The following SKA1 variants were observed in gnomAD, a reference collection of about 807,000 sequenced individuals.
The protein encoded by SKA1 is SKA complex subunit 1.
A neutral mutation model predicts 31.8 loss-of-function variants in SKA1; 20 were observed. The ratio of observed to expected loss-of-function variants is 0.63; its 90% CI spans 0.44 to 0.91. SKA1 has a LOEUF of 0.91. Ranked by LOEUF, SKA1 falls within the 40% of genes least tolerant of loss-of-function variation. The probability of loss-of-function intolerance (pLI) is 0.00; values close to 1 mark genes in which losing one functional copy is unlikely to be tolerated. For synonymous variants in SKA1, 88 were observed against 100.5 expected (o/e 0.88, Z 0.74); for missense variants, 253 against 298.2 (o/e 0.85, Z 1.12).
intron 5 of SKA1, 147 bp downstream of exon 5, chr18:50,385,500 T>A: frequency 1.3e-6 from 1 of 764,336 alleles, no homozygotes; most frequent in Non-Finnish European, 1.9e-6. Flanking sequence ...GAAAATGCAG[T>A]AAATTTTTTG....
intron 2 of SKA1, among the ~76,000 whole-genome samples, chr18:50,377,586 C>T (rs1395868246): frequency 6.6e-6 from 1 of 152,114 alleles, no homozygotes; most frequent in Non-Finnish European, 1.5e-5. Context: ...AATGAAAGTT[C>T]AGAGAAACAG....
intron 4 of SKA1, among the ~76,000 whole-genome samples, chr18:50,383,534 C>T (rs1246144579): frequency 6.6e-6 from 1 of 152,212 alleles, no homozygotes; most frequent in Non-Finnish European, 1.5e-5. Flanking sequence ...GAAGACCTGG[C>T]TCTCTTGTTT....
chr18:50,391,322 T>C (rs368781187), intron 6 of SKA1, 29 bp downstream of exon 6: 5 of 1,528,218 alleles, frequency 3.3e-6, no homozygotes, highest in Non-Finnish European at 4.4e-6. Flanking sequence ...TGTGTGTACA[T>C]GTGAACTGTT....
chr18:50,377,637 C>T (rs2041230339), intron 2 of SKA1, among the ~76,000 whole-genome samples: 1 of 152,208 alleles, frequency 6.6e-6, no homozygotes, highest in South Asian at 2.1e-4. Context: ...GAATTACATA[C>T]TCCCTAACCT....
chr18:50,380,334 G>T, intron 3 of SKA1, 84 bp downstream of exon 3: 1 of 1,353,640 alleles, frequency 7.4e-7, no homozygotes, highest in Admixed American at 3.1e-5. Context: ...AGGATGCTTT[G>T]TTTATAATGT....
intron 5 of SKA1, among the ~76,000 whole-genome samples, chr18:50,390,128 T>A (rs751819244): frequency 6.6e-6 from 1 of 152,140 alleles, no homozygotes; most frequent in Non-Finnish European, 1.5e-5. Context: ...TGTGGAGAGC[T>A]GGGGTATAAG....
Position 50,392,141 on chromosome 18 carries a change from C to T in SKA1, c.662C>T (p.Thr221Ile). Residue 221 changes from threonine (T) to isoleucine (I), a missense_variant, in exon 7 of 7, where the codon ACT becomes ATT. By Grantham distance (89) the Thr-to-Ile change is moderately conservative. Transcript: ENST00000285116. ...IVEADIKEFT[T>I]LKADKKFHVL... Reference sequence around the variant, plus strand: ...GAAGCTGACATAAAGGAGTTCACAACTTTGAAAGCTGACAAGAAGTTTCAC... The same window carrying T: ...GAAGCTGACATAAAGGAGTTCACAATTTTGAAAGCTGACAAGAAGTTTCAC... The T allele has an allele frequency of 6.2e-7, 1 of 1,607,684 alleles. No individual in the cohort carries two copies. Among genetic ancestry groups the T allele is most frequent in the Non-Finnish European group, 8.5e-7 (1 of 1,178,722 alleles).
chr18:50,391,339 A>C lies in SKA1; in HGVS notation c.619+46A>C. 3 of 1,375,196 alleles carry C rather than the reference A, an allele frequency of 2.2e-6. No individual in the cohort carries two copies. In the South Asian group the frequency reaches 6.0e-5, roughly 28 times the overall value. 85.2% of individuals were successfully genotyped at this position (1,375,196 alleles called of 1,614,324 possible). A position where few individuals can be genotyped will look rare whatever the true frequency, so the allele number is the denominator to read the frequency against. On this transcript the variant is annotated intron_variant, in intron 6 of 6. Coordinates refer to ENST00000285116, the MANE Select transcript of SKA1 (RefSeq NM_145060.4). ...TGTGTACATGTGAACTGTTCAGAGT[A>C]TAACTAAATCACGAGAAATGTAGCT... is the stretch of plus-strand genomic sequence containing the variant.
At chr18:50,375,798 A>G (rs761407255) in intron 1 of SKA1, 22 bp from the exon 2 acceptor site, 53 of 1,417,000 alleles carry the variant, frequency 3.7e-5, no homozygotes, top group Non-Finnish European at 4.9e-5. Flanking sequence ...TGTTACGAAT[A>G]TGTTTATGTT....
intron 5 of SKA1, among the ~76,000 whole-genome samples, chr18:50,389,648 C>T (rs1321514922): frequency 7.2e-5 from 11 of 152,136 alleles, no homozygotes; most frequent in Admixed American, 5.9e-4. Flanking sequence ...CCACCTGCCT[C>T]GGCCTCCCAA....
intron 6 of SKA1, 32 bp from the exon 7 acceptor site, chr18:50,392,067 A>G: frequency 6.6e-7 from 1 of 1,514,136 alleles, no homozygotes; most frequent in Non-Finnish European, 8.8e-7. Flanking sequence ...AGTTGGCCTT[A>G]TAAAAATTAG....
intron 5 of SKA1, among the ~76,000 whole-genome samples, chr18:50,387,508 A>G (rs1189404977): frequency 2.6e-5 from 4 of 151,976 alleles, no homozygotes; most frequent in African/African-American, 9.7e-5. Context: ...TGTATGTTAT[A>G]CTTTTTTTGA....
intron 3 of SKA1, 102 bp downstream of exon 3, chr18:50,380,352 T>G: frequency 2.5e-6 from 3 of 1,219,826 alleles, no homozygotes; most frequent in Non-Finnish European, 3.3e-6. Context: ...TGTTTTTTGT[T>G]TATAAATTAT....
In SKA1 at chr18:50,391,276, A is replaced by G. The variant is rs758092870; in HGVS notation, c.602A>G (p.Glu201Gly). 1.3e-6 allele frequency: 2 copies of G among 1,595,466 alleles called. No individual in the cohort carries two copies. The highest frequency in any genetic ancestry group is 3.7e-5 in the Admixed American group (2 of 54,776). Residue 201 changes from glutamate (E) to glycine (G), a missense_variant, in exon 6 of 7, where the codon GAA becomes GGA. Transcript: ENST00000285116. ...CTCTATCACAGATTTATTGATGAAG[A>G]AACGAAGGATACCAAAGGTAAAATG... ...RNLYHRFIDE[E>G]TKDTKGRYFI...
chr18:50,387,582 A>G (rs1480950921), intron 5 of SKA1, among the ~76,000 whole-genome samples: 1 of 152,152 alleles, frequency 6.6e-6, no homozygotes, highest in African/African-American at 2.4e-5. Context: ...TAGTTTGGGA[A>G]GTATCTATTG....
In SKA1 at chr18:50,380,639, A is replaced by C. The variant is rs932749202; in HGVS notation, c.213+389A>C. 2.0e-5 allele frequency among the ~76,000 whole-genome samples: 3 copies of C among 152,330 alleles called. No individual in the cohort carries two copies. The South Asian group carries it at 6.2e-4, about 32-fold the overall frequency. ...AGCTATTTTACCTGTTGGGGTTTCAAGAACCTCATCTGAAAAAATAATGGA... is the reference window on the plus strand; with the variant it reads ...AGCTATTTTACCTGTTGGGGTTTCACGAACCTCATCTGAAAAAATAATGGA... On this transcript the variant is annotated intron_variant, in intron 3 of 6. Coordinates refer to ENST00000285116, the MANE Select transcript of SKA1 (RefSeq NM_145060.4).
chr18:50,380,346 T>C (rs1405942648), intron 3 of SKA1, 96 bp downstream of exon 3: 37 of 1,334,264 alleles, frequency 2.8e-5, no homozygotes, highest in Non-Finnish European at 4.0e-6. Flanking sequence ...TTATAATGTT[T>C]TTTGTTTATA....
At chr18:50,387,499 G>T (rs1225072578) in intron 5 of SKA1, among the ~76,000 whole-genome samples, 1 of 152,100 alleles carries the variant, frequency 6.6e-6, no homozygotes, top group Non-Finnish European at 1.5e-5. Flanking sequence ...CTCATTACCT[G>T]TATGTTATAC....
Position 50,382,246 on chromosome 18 carries a change from T to G in SKA1, c.311+20T>G, listed in dbSNP as rs1244611319. ...GAGCTGGTAAGTGTATTTATAATTA[T>G]TCTTGCTATCTGGATTTATAAACCC... On this transcript the variant is annotated intron_variant, in intron 4 of 6. Transcript: ENST00000285116. The G allele has an allele frequency of 7.3e-7, 1 of 1,372,868 alleles. No individual in the cohort carries two copies. Among genetic ancestry groups the G allele is most frequent in the Non-Finnish European group, 9.8e-7 (1 of 1,023,164 alleles). The allele number at this position is 1,372,868 out of a possible 1,614,324, so 85.0% of individuals were successfully genotyped here.
Sources: gnomAD v4.1 joint callset for allele counts (sites outside exome capture counted in the v4.1 genomes callset) on GRCh38, gnomAD v4.1.1 for gene constraint, MANE v1.5 for transcripts, NCBI Gene and HGNC (gene_info 2026-07-23, HGNC 2026-07-21) for gene names.